The following MLXIP variants were observed in gnomAD, a reference collection of about 807,000 sequenced individuals.
MLXIP encodes the protein MLX-interacting protein.
A neutral mutation model predicts 87.2 loss-of-function variants in MLXIP; 30 were observed. The ratio of observed to expected loss-of-function variants is 0.34; its 90% confidence interval spans 0.26 to 0.47. MLXIP has a LOEUF of 0.47. Ranked by LOEUF, MLXIP falls within the 20% of genes least tolerant of loss-of-function variation. MLXIP has a pLI of 1.00. For synonymous variants in MLXIP, 530 were observed against 514.0 expected (o/e 1.03, Z -0.42); for missense variants, 1,002 against 1,240.1 (o/e 0.81, Z 2.88).
chr12:122,139,788 C>T (rs1437285168), intron 15 of MLXIP, among the ~76,000 whole-genome samples: 1 of 152,196 alleles, frequency 6.6e-6, no homozygotes, highest in African/African-American at 2.4e-5. Flanking sequence ...TTCCTCCTGC[C>T]TCAGCCTCCT....
intron 7 of MLXIP, among the ~76,000 whole-genome samples, chr12:122,131,818 T>A (rs1406517683): frequency 6.7e-6 from 1 of 149,040 alleles, no homozygotes; most frequent in Non-Finnish European, 1.5e-5. Flanking sequence ...ACCCTCAACC[T>A]CCCTCCTGGA....
chr12:122,134,205 G>GTTTT (rs57471735), intron 9 of MLXIP: 334 of 499,022 alleles, frequency 6.7e-4, no homozygotes, highest in African/African-American at 3.0e-3. Context: ...TTTTTGTTTG[G>GTTTT]TTTTTTTTTT....
At chr12:122,124,725 A>G (rs958313326) in intron 1 of MLXIP, among the ~76,000 whole-genome samples, 2 of 151,718 alleles carry the variant, frequency 1.3e-5, no homozygotes, top group South Asian at 2.1e-4. Context: ...AAATCAAAAC[A>G]ATTTTTTTTT....
chr12:122,111,989 G>A (rs1035035865), intron 1 of MLXIP, among the ~76,000 whole-genome samples: 7 of 152,118 alleles, frequency 4.6e-5, no homozygotes, highest in African/African-American at 1.7e-4. Context: ...TTTGAGATTT[G>A]TCAACATGGT....
chr12:122,128,059 GCTGCCGAGGGTAGTGCAGCGC>G (rs1332650415), intron 3 of MLXIP, 91 bp downstream of exon 3: 1 of 1,123,252 alleles, frequency 8.9e-7, no homozygotes, highest in Non-Finnish European at 1.3e-6. Context: ...TGTAGGAGAG[GCTGCCGAGGGTAGTGCAGCGC>G]CTGCCCTGCG....
rs763610629 is a variant in MLXIP, at chr12:122,133,916, C to G, written c.1661C>G (p.Pro554Arg). 117 of 1,609,106 alleles carry G rather than the reference C, an allele frequency of 7.3e-5. No individual in the cohort carries two copies. The East Asian group carries it at 2.6e-3, about 35-fold the overall frequency. Residue 554 changes from proline (P) to arginine (R), a missense_variant, in exon 9 of 17, where the codon CCC becomes CGC. Transcript: ENST00000319080. The surrounding 1 kb of genome is among the most constrained non-coding windows in gnomAD (Gnocchi z 4.9). ...TTGACTGGGGGCAGGCCTAAGCAGC[C>G]CCACAAAATAGTGCCTGCTCCCAAA... ...VSLTGGRPKQ[P>R]HKIVPAPKPE...
At chr12:122,134,081 C>T (rs1373773454) in intron 9 of MLXIP, 94 bp downstream of exon 9, 22 of 1,413,512 alleles carry the variant, frequency 1.6e-5, no homozygotes, top group Non-Finnish European at 2.1e-5. Context: ...ACCACCACCA[C>T]CACCCTGGTG....
At chr12:122,097,066 C>T (rs1051533596) in intron 1 of MLXIP, among the ~76,000 whole-genome samples, 3 of 152,198 alleles carry the variant, frequency 2.0e-5, no homozygotes, top group Admixed American at 6.5e-5. Flanking sequence ...CTCAGCTGCT[C>T]GCTTGTGGTG....
At chr12:122,122,701 C>T (rs1396754612) in intron 1 of MLXIP, among the ~76,000 whole-genome samples, 5 of 152,000 alleles carry the variant, frequency 3.3e-5, no homozygotes, top group African/African-American at 4.8e-5. Context: ...GCCACCACGA[C>T]GCCTGGCTAA....
At chr12:122,107,581 C>G (rs895004616) in intron 1 of MLXIP, among the ~76,000 whole-genome samples, 3 of 152,172 alleles carry the variant, frequency 2.0e-5, no homozygotes, top group African/African-American at 7.2e-5. Flanking sequence ...GAAAGTCAGT[C>G]TGCTCTAAAT....
chr12:122,139,707 C>CT (rs1466982043), intron 15 of MLXIP, among the ~76,000 whole-genome samples: 3 of 152,246 alleles, frequency 2.0e-5, no homozygotes, highest in Admixed American at 2.0e-4. Context: ...GGGTCTCACT[C>CT]TGTCACCCAG....
At chr12:122,124,070 G>A (rs1443566088) in intron 1 of MLXIP, among the ~76,000 whole-genome samples, 1 of 152,136 alleles carries the variant, frequency 6.6e-6, no homozygotes, top group Non-Finnish European at 1.5e-5. Context: ...ACAGCCATCT[G>A]CCCTTCAGGA....
chr12:122,101,151 C>T lies in MLXIP; in HGVS notation c.413+21885C>T, dbSNP rs184501139. 6.6e-5 allele frequency among the ~76,000 whole-genome samples: 10 copies of T among 152,316 alleles called. No individual in the cohort carries two copies. In the East Asian group the frequency reaches 1.9e-3, roughly 29 times the overall value. On this transcript the variant is annotated intron_variant, in intron 1 of 16. Transcript: ENST00000319080. ...TTTTGCCAATTATGAGATGGACATT[C>T]ACTTCTTCCCCTTTGCCAAGAGGAA...
In MLXIP at chr12:122,116,585, C is replaced by G. The variant is rs571307645; in HGVS notation, c.414-10671C>G. 8.5e-5 allele frequency among the ~76,000 whole-genome samples: 13 copies of G among 152,316 alleles called. No homozygotes were observed. The East Asian group carries it at 2.3e-3, about 27-fold the overall frequency. ...GGGTTTACTCTTCTGGCGAGGAAAC[C>G]TAGGACTCTGGCTTTAAATGGTGCC... is the stretch of plus-strand genomic sequence containing the variant. On this transcript the variant is annotated intron_variant, in intron 1 of 16. Transcript: ENST00000319080.
At chr12:122,122,239 T>C (rs1032114804) in intron 1 of MLXIP, among the ~76,000 whole-genome samples, 2 of 152,188 alleles carry the variant, frequency 1.3e-5, no homozygotes, top group African/African-American at 4.8e-5. Flanking sequence ...GTCTGGAAGA[T>C]GTTGAGCTGG....
At chr12:122,115,977 G>C (rs966499427) in intron 1 of MLXIP, among the ~76,000 whole-genome samples, 4 of 152,018 alleles carry the variant, frequency 2.6e-5, no homozygotes, top group Non-Finnish European at 5.9e-5. Flanking sequence ...CTTGAACCCG[G>C]GAGGTGGAGG....
In MLXIP at chr12:122,078,846, C is replaced by A; in HGVS notation, c.-8C>A. On this transcript the variant is annotated 5_prime_UTR_variant, in exon 1 of 17. Coordinates refer to ENST00000319080, the MANE Select transcript of MLXIP (RefSeq NM_014938.6). Reference sequence around the variant, plus strand: ...GCTCCGGGGGATGCCCCCGGCCGAGCCCTTCTCATGGCCGCCGACGTCTTC... The same window carrying A: ...GCTCCGGGGGATGCCCCCGGCCGAGACCTTCTCATGGCCGCCGACGTCTTC... 9.3e-7 allele frequency: 1 copy of A among 1,071,646 alleles called. No individual in the cohort carries two copies. The highest frequency in any genetic ancestry group is 1.1e-6 in the Non-Finnish European group (1 of 885,722). The allele number at this position is 1,071,646 out of a possible 1,614,324, so 66.4% of individuals were successfully genotyped here. A position where few individuals can be genotyped will look rare whatever the true frequency, so the allele number is the denominator to read the frequency against.
intron 1 of MLXIP, among the ~76,000 whole-genome samples, chr12:122,118,803 G>A (rs952967268): frequency 4.7e-5 from 7 of 149,718 alleles, no homozygotes; most frequent in African/African-American, 1.7e-4. Flanking sequence ...AGCTGAGATT[G>A]CCACTGCACT....
chr12:122,136,457 T>C (rs527642299), intron 11 of MLXIP: 1 of 74,300 alleles, frequency 1.3e-5, no homozygotes, highest in Non-Finnish European at 2.6e-5. Flanking sequence ...TATCAAAAAA[T>C]GCAAAAAAAA....
Sources: allele counts gnomAD v4.1 joint callset (sites outside exome capture counted in the v4.1 genomes callset), GRCh38; gene constraint gnomAD v4.1.1; non-coding constraint Gnocchi (gnomAD v3.1); transcripts MANE v1.5; gene names NCBI Gene and HGNC (gene_info 2026-07-23, HGNC 2026-07-21).